Variants in SLC1A7 observed in about 807,000 individuals in gnomAD.
SLC1A7 encodes excitatory amino acid transporter 5.
Under a neutral mutation model 47.7 loss-of-function variants are expected in SLC1A7, and 40 were observed. That is an observed-to-expected ratio of 0.84 (90% CI 0.65 to 1.09). The LOEUF (loss-of-function observed/expected upper bound fraction) is 1.09, where lower values mean the gene tolerates loss of function less well. SLC1A7 is among the 50% of genes least tolerant of loss of function. SLC1A7 has a pLI of 0.00. For synonymous variants in SLC1A7, 323 were observed against 325.6 expected (o/e 0.99, Z 0.09); for missense variants, 746 against 769.5 (o/e 0.97, Z 0.36).
rs150261887 is a variant in SLC1A7, at chr1:53,134,337, C to T, written c.215+13G>A. 1.1e-4 allele frequency: 176 copies of T among 1,606,738 alleles called. No individual in the cohort carries two copies. In the African/African-American group the frequency reaches 1.8e-3, roughly 17 times the overall value. On this transcript the variant is annotated intron_variant, in intron 2 of 10. Transcript: ENST00000371494. ...CCTGGTTCCGGACCACCTGGTCAAA[C>T]CCCCGCTCTCACCTGGAGACCACCA...
rs780313252 is a variant in SLC1A7, at chr1:53,090,611, C to T, written c.1226+1G>A. ...CACCCAGGTGCAGTGTCAGGGTGCACCTGATGGTGATGATCTGGCCAAAGT... is the reference window on the plus strand; with the variant it reads ...CACCCAGGTGCAGTGTCAGGGTGCATCTGATGGTGATGATCTGGCCAAAGT... On this transcript the variant is annotated splice_donor_variant, in intron 8 of 10. Coordinates refer to ENST00000371494, the MANE Select transcript of SLC1A7 (RefSeq NM_006671.6). LOFTEE classifies it high-confidence loss of function. 6.3e-7 allele frequency: 1 copy of T among 1,580,572 alleles called. No homozygotes were observed. The highest frequency in any genetic ancestry group is 1.2e-5 in the South Asian group (1 of 85,308).
Position 53,092,610 on chromosome 1 carries a change from G to A in SLC1A7, c.975C>T (p.Ile325=), listed in dbSNP as rs1557666904. ...CCTGCAGGATGCCACGGATGAAGACGATGGGATTCTTCTTGGTGATGAAGA... is the reference window on the plus strand; with the variant it reads ...CCTGCAGGATGCCACGGATGAAGACAATGGGATTCTTCTTGGTGATGAAGA... ...LYFFITKKNP[I]VFIRGILQAL... Residue 325 remains isoleucine (I), a synonymous_variant, in exon 7 of 11, where the codon ATC becomes ATT. Coordinates refer to ENST00000371494, the MANE Select transcript of SLC1A7 (RefSeq NM_006671.6). The A allele has an allele frequency of 1.9e-6, 3 of 1,614,076 alleles. No homozygotes were observed. Among genetic ancestry groups the A allele is most frequent in the African/African-American group, 1.3e-5 (1 of 74,948 alleles).
At position 53,134,374 on chromosome 1, in the gene SLC1A7, A is replaced by G. The variant is rs761747001; in HGVS notation, c.191T>C (p.Met64Thr). The G allele has an allele frequency of 1.2e-6, 2 of 1,613,494 alleles. No homozygotes were observed. Among genetic ancestry groups the G allele is most frequent in the South Asian group, 1.1e-5 (1 of 90,812 alleles). Residue 64 changes from methionine (M) to threonine (T), a missense_variant, in exon 2 of 11, where the codon ATG becomes ACG. Physicochemically the swap from Met to Thr is moderately conservative, Grantham distance 81 (BLOSUM62 -1). Transcript: ENST00000371494. ...CCTGGAGACCACCAGTGGCAGGATC[A>G]TCATCTTCAGCATCCTCATCAGGAG... Reference protein sequence around the residue: ...GELLMRMLKMMILPLVVSSLM... With the variant: ...GELLMRMLKMTILPLVVSSLM...
In SLC1A7 at chr1:53,128,761, C is replaced by A. The variant is rs934490677; in HGVS notation, c.215+5589G>T. Among the ~76,000 whole-genome samples, 4 of 142,054 alleles carry A rather than the reference C, an allele frequency of 2.8e-5. 1 individual carries two copies. Among genetic ancestry groups the A allele is most frequent in the African/African-American group, 1.0e-4 (4 of 38,364 alleles). The allele number at this position is 142,054 out of a possible 152,430, so 93.2% of individuals were successfully genotyped here. ...GTGAGCTGCAGGTGCTAATTAGAAC[C>A]ATGAAGATGGAAGAAGCCATCCAAG... On this transcript the variant is annotated intron_variant, in intron 2 of 10. Transcript: ENST00000371494.
At chr1:53,120,127 T>C (rs1644803274) in intron 2 of SLC1A7, among the ~76,000 whole-genome samples, 1 of 152,066 alleles carries the variant, frequency 6.6e-6, no homozygotes, top group Admixed American at 6.5e-5. Context: ...AATCTGGTAA[T>C]TGCTCCACTT....
rs1644971518 is a variant in SLC1A7 at position 53,134,459 on chromosome 1, G to C, written c.136-30C>G. On this transcript the variant is annotated intron_variant, in intron 1 of 10. Coordinates refer to ENST00000371494, the MANE Select transcript of SLC1A7 (RefSeq NM_006671.6). Reference sequence around the variant, plus strand: ...AAACACAGTAAGAACTGGGGTTATAGCAAGAGATGCAGACTGCACAGTGGT... The same window carrying C: ...AAACACAGTAAGAACTGGGGTTATACCAAGAGATGCAGACTGCACAGTGGT... The C allele has an allele frequency of 9.7e-6, 14 of 1,444,288 alleles. No homozygotes were observed. In the East Asian group the frequency reaches 3.0e-4, roughly 31 times the overall value. 89.5% of individuals were successfully genotyped at this position (1,444,288 alleles called of 1,614,324 possible).
chr1:53,090,756 A>C lies in SLC1A7; in HGVS notation c.1082T>G (p.Ile361Ser). 6.2e-7 allele frequency: 1 copy of C among 1,613,752 alleles called. No individual in the cohort carries two copies. Among genetic ancestry groups the C allele is most frequent in the East Asian group, 2.2e-5 (1 of 44,848 alleles). ...CACGAAGCGAGCGATGCGCCGGTCG[A>C]TGTGGTTGTTCTCCAGCAGGCACTT... ...TFKCLLENNH[I>S]DRRIARFVLP... The change falls in exon 8 of 11, where the codon ATC (isoleucine) becomes AGC (serine). Residue 361 changes from isoleucine (I) to serine (S), a missense_variant. Coordinates refer to ENST00000371494, the MANE Select transcript of SLC1A7 (RefSeq NM_006671.6).
At chr1:53,127,038 GTTTT>G (rs61456544) in intron 2 of SLC1A7, among the ~76,000 whole-genome samples, 17 of 97,580 alleles carry the variant, frequency 1.7e-4, no homozygotes, top group African/African-American at 4.5e-4. Flanking sequence ...AATTTTAAAA[GTTTT>G]TTTTTTTTTT....
At chr1:53,115,192 A>G (rs540907709) in intron 2 of SLC1A7, 99 of 594,700 alleles carry the variant, frequency 1.7e-4, no homozygotes, top group Admixed American at 2.3e-4. Flanking sequence ...CTGTGCCTTG[A>G]GACCTCTGCA....
At chr1:53,136,041 A>G (rs757251230) in intron 1 of SLC1A7, among the ~76,000 whole-genome samples, 1 of 151,904 alleles carries the variant, frequency 6.6e-6, no homozygotes, top group Non-Finnish European at 1.5e-5. Flanking sequence ...AAGGGAGGTG[A>G]CAGACCCACC....
intron 5 of SLC1A7, among the ~76,000 whole-genome samples, chr1:53,098,409 CTTG>C (rs1478878516): frequency 6.6e-6 from 1 of 150,520 alleles, no homozygotes; most frequent in Non-Finnish European, 1.5e-5. Flanking sequence ...CACACTCCAC[CTTG>C]TTACACTCAC....
chr1:53,117,799 T>A (rs978457661), intron 2 of SLC1A7, among the ~76,000 whole-genome samples: 1 of 152,078 alleles, frequency 6.6e-6, no homozygotes, highest in Non-Finnish European at 1.5e-5. Flanking sequence ...CAGGGACAGA[T>A]TGAGATGTGG....
chr1:53,119,943 T>A (rs1042145311), intron 2 of SLC1A7, among the ~76,000 whole-genome samples: 4 of 152,188 alleles, frequency 2.6e-5, no homozygotes, highest in Admixed American at 2.0e-4. Flanking sequence ...TGGGTGCTCC[T>A]GGGAGCACCT....
intron 2 of SLC1A7, among the ~76,000 whole-genome samples, chr1:53,128,519 G>A (rs1679962): frequency 0.68 from 96,991 of 141,842 alleles, 38,787 homozygotes; most frequent in East Asian, 0.85. Context: ...CAGATAAGGA[G>A]GCTCTGACTG....
intron 2 of SLC1A7, among the ~76,000 whole-genome samples, chr1:53,132,735 A>AC (rs1199444170): frequency 9.2e-6 from 1 of 108,364 alleles, no homozygotes; most frequent in Non-Finnish European, 2.2e-5. Context: ...GGTCCCAGCT[A>AC]CTTGGGGGGC....
chr1:53,093,261 A>C (rs1283367136), intron 6 of SLC1A7, among the ~76,000 whole-genome samples, 200 bp downstream of exon 6: 5 of 152,132 alleles, frequency 3.3e-5, no homozygotes, highest in African/African-American at 9.7e-5. Flanking sequence ...CCAGGCTGGA[A>C]GGGGCAGGCC....
At chr1:53,092,323 C>T (rs949768955) in intron 7 of SLC1A7, among the ~76,000 whole-genome samples, 5 of 152,258 alleles carry the variant, frequency 3.3e-5, no homozygotes, top group Admixed American at 6.5e-5. Flanking sequence ...CGCCCCCATG[C>T]GGACTCAGTG....
Position 53,092,184 on chromosome 1 carries a change from C to T in SLC1A7, c.1031+370G>A, listed in dbSNP as rs576308205. 5.4e-4 allele frequency among the ~76,000 whole-genome samples: 83 copies of T among 152,372 alleles called. 1 individual carries two copies. Among genetic ancestry groups the T allele is most frequent in the Non-Finnish European group, 1.0e-3 (68 of 68,044 alleles). On this transcript the variant is annotated intron_variant, in intron 7 of 10. Transcript: ENST00000371494. ...GACATCCCAGCGGCAGTGGACAGGC[C>T]GAGCTCCTAGAGCAACACAGGGCCC...
chr1:53,120,520 C>T (rs1415450901), intron 2 of SLC1A7, among the ~76,000 whole-genome samples: 2 of 152,180 alleles, frequency 1.3e-5, no homozygotes, highest in African/African-American at 2.4e-5. Flanking sequence ...GTCCACTCTG[C>T]TCCTGGAAGT....
Sources: allele counts gnomAD v4.1 joint callset (sites outside exome capture counted in the v4.1 genomes callset), GRCh38; gene constraint gnomAD v4.1.1; transcripts MANE v1.5; gene names NCBI Gene and HGNC (gene_info 2026-07-23, HGNC 2026-07-21).